Variants in RBFOX1 observed in about 807,000 individuals in gnomAD.
The protein encoded by RBFOX1 is RNA binding protein fox-1 homolog 1.
Under a neutral mutation model 57.7 loss-of-function variants are expected in RBFOX1, and 8 were observed. The ratio of observed to expected loss-of-function variants is 0.14; its 90% CI spans 0.08 to 0.25. The LOEUF is 0.25. Ranked by LOEUF, RBFOX1 falls within the 10% of genes least tolerant of loss-of-function variation. The pLI is 1.00. For missense variants in RBFOX1, 611 were observed against 548.5 expected (o/e 1.11, Z -1.14); for synonymous variants, 326 against 222.4 (o/e 1.47, Z -4.15).
intron 3 of RBFOX1, among the ~76,000 whole-genome samples, chr16:6,990,974 C>G (rs1164176197): frequency 6.6e-6 from 1 of 152,002 alleles, no homozygotes; most frequent in African/African-American, 2.4e-5. Flanking sequence ...TTTTAAAGCT[C>G]TGTGTCCAGA....
intron 3 of RBFOX1, among the ~76,000 whole-genome samples, chr16:6,699,190 A>T (rs28657472): frequency 2.6e-5 from 4 of 152,116 alleles, no homozygotes; most frequent in African/African-American, 7.2e-5. Context: ...CATTTTTATC[A>T]GTATGCAAGG....
At chr16:7,041,342 A>G (rs1014510160) in intron 3 of RBFOX1, among the ~76,000 whole-genome samples, 1 of 152,130 alleles carries the variant, frequency 6.6e-6, no homozygotes, top group Non-Finnish European at 1.5e-5. Flanking sequence ...CAAAGACAAG[A>G]GAGTCTGTGG....
chr16:7,313,915 G>A (rs1172048628), intron 4 of RBFOX1, among the ~76,000 whole-genome samples: 1 of 152,154 alleles, frequency 6.6e-6, no homozygotes. Context: ...AGAGACCTCT[G>A]CCAGGTTCCT....
intron 3 of RBFOX1, among the ~76,000 whole-genome samples, chr16:6,863,754 C>A (rs1319458961): frequency 1.9e-4 from 7 of 36,240 alleles, no homozygotes; most frequent in South Asian, 2.0e-3. Context: ...TTTTTTTTTA[C>A]CAAAACCAAA....
chr16:7,231,486 G>A (rs966447317), intron 4 of RBFOX1, among the ~76,000 whole-genome samples: 1 of 152,036 alleles, frequency 6.6e-6, no homozygotes, highest in Admixed American at 6.6e-5. Flanking sequence ...GCAGTTCCTC[G>A]GGAAGTTAAG....
intron 2 of RBFOX1, among the ~76,000 whole-genome samples, chr16:6,624,445 G>T (rs1567933400): frequency 2.0e-5 from 3 of 152,114 alleles, no homozygotes; most frequent in African/African-American, 7.2e-5. Flanking sequence ...AGTGGGGATG[G>T]TGAATCAACC....
At chr16:6,959,932 A>G (rs1568091496) in intron 3 of RBFOX1, among the ~76,000 whole-genome samples, 1 of 152,154 alleles carries the variant, frequency 6.6e-6, no homozygotes, top group Non-Finnish European at 1.5e-5. Flanking sequence ...GCGAAACTCC[A>G]TCTCATAAAT....
intron 2 of RBFOX1, among the ~76,000 whole-genome samples, chr16:6,371,361 C>A (rs1567140337): frequency 6.6e-6 from 1 of 152,058 alleles, no homozygotes; most frequent in Non-Finnish European, 1.5e-5. Context: ...ATTTCCTTTC[C>A]TATATATATA....
At chr16:6,784,782 C>G (rs1414436009) in intron 3 of RBFOX1, among the ~76,000 whole-genome samples, 1 of 151,828 alleles carries the variant, frequency 6.6e-6, no homozygotes, top group African/African-American at 2.4e-5. Context: ...AAGTAAATCC[C>G]TGGAATTTTC....
At chr16:5,665,135 G>GGGT (rs1555497023) in intron 3 of RBFOX1, among the ~76,000 whole-genome samples, 1 of 142,340 alleles carries the variant, frequency 7.0e-6, no homozygotes, top group Non-Finnish European at 1.6e-5. Flanking sequence ...TTTACATGGG[G>GGGT]GGGGGCGGTC....
intron 3 of RBFOX1, among the ~76,000 whole-genome samples, chr16:6,957,165 T>A (rs1198636472): frequency 1.3e-5 from 2 of 151,148 alleles, no homozygotes; most frequent in African/African-American, 4.9e-5. Context: ...GGAGTCTTGC[T>A]CTGTCACCCA....
rs1187728256 is a variant in RBFOX1, at chr16:7,336,569, G to T, written c.28-181578G>T. 3.9e-5 allele frequency among the ~76,000 whole-genome samples: 6 copies of T among 152,290 alleles called. No homozygotes were observed. The South Asian group carries it at 1.2e-3, about 32-fold the overall frequency. ...TGACAGTCATAGCCACTGAACTGTG[G>T]GTTCACAATCTAGTGGAAGAACTAG... On this transcript the variant is annotated intron_variant, in intron 4 of 15. Transcript: ENST00000550418.
chr16:5,604,256 C>T (rs1203070487), downstream of RBFOX1, among the ~76,000 whole-genome samples: 1 of 152,226 alleles, frequency 6.6e-6, no homozygotes. Context: ...CACCTGTCTA[C>T]CATCTTATTG....
At chr16:6,487,222 C>T (rs1446070724) in intron 2 of RBFOX1, among the ~76,000 whole-genome samples, 1 of 151,174 alleles carries the variant, frequency 6.6e-6, no homozygotes. Context: ...TACAGCAACT[C>T]GTTTTTGATT....
chr16:7,366,630 T>C (rs2097454797), intron 4 of RBFOX1, among the ~76,000 whole-genome samples: 1 of 150,450 alleles, frequency 6.6e-6, no homozygotes, highest in Non-Finnish European at 1.5e-5. Context: ...GTTTCTCTGA[T>C]GATATTGATA....
intron 4 of RBFOX1, among the ~76,000 whole-genome samples, chr16:7,353,118 C>T (rs769945569): frequency 7.2e-5 from 11 of 152,250 alleles, no homozygotes; most frequent in African/African-American, 1.4e-4. Flanking sequence ...GTTTTTAGCA[C>T]CACTACTACT....
chr16:6,283,470 T>G (rs74005070), intron 1 of RBFOX1, among the ~76,000 whole-genome samples: 192 of 152,320 alleles, frequency 1.3e-3, no homozygotes, highest in African/African-American at 4.5e-3. Context: ...AGTGGAAACA[T>G]TAACAATCAG....
At chr16:7,391,296 T>A (rs2098014029) in intron 4 of RBFOX1, among the ~76,000 whole-genome samples, 1 of 152,186 alleles carries the variant, frequency 6.6e-6, no homozygotes, top group Non-Finnish European at 1.5e-5. Context: ...TTTTTGGGCA[T>A]GTGCCCTGGT....
At chr16:5,493,380 T>G (rs1292119087) in intron 2 of RBFOX1, among the ~76,000 whole-genome samples, 1 of 152,194 alleles carries the variant, frequency 6.6e-6, no homozygotes, top group African/African-American at 2.4e-5. Flanking sequence ...TCTTAATCTT[T>G]AAGACAAACC....
Sources: gnomAD v4.1 joint callset for allele counts (sites outside exome capture counted in the v4.1 genomes callset) on GRCh38, gnomAD v4.1.1 for gene constraint, MANE v1.5 for transcripts, NCBI Gene and HGNC (gene_info 2026-07-23, HGNC 2026-07-21) for gene names.